Variants in CYYR1 observed in about 807,000 individuals in gnomAD.
The protein encoded by CYYR1 is cysteine and tyrosine rich 1, also known as cysteine and tyrosine-rich protein 1.
CYYR1 carries 14 observed loss-of-function variants against 15.2 expected under a neutral mutation model. That is an observed-to-expected ratio of 0.92 (90% CI 0.61 to 1.44). The LOEUF (loss-of-function observed/expected upper bound fraction) is 1.44, where lower values mean the gene tolerates loss of function less well. CYYR1 is among the 40% of genes most tolerant of loss of function. The probability of loss-of-function intolerance (pLI) is 0.00; values close to 1 mark genes in which losing one functional copy is unlikely to be tolerated. For missense variants in CYYR1, 228 were observed against 209.5 expected (o/e 1.09, Z -0.54); for synonymous variants, 80 against 77.4 (o/e 1.03, Z -0.18).
intron 2 of CYYR1, among the ~76,000 whole-genome samples, chr21:26,555,594 C>T (rs1219022718): frequency 1.3e-5 from 2 of 152,090 alleles, no homozygotes; most frequent in Non-Finnish European, 2.9e-5. Flanking sequence ...TTTCTGTAAC[C>T]ATGAATATTG....
At chr21:26,483,656 C>T (rs1186588582) in intron 2 of CYYR1, among the ~76,000 whole-genome samples, 2 of 152,104 alleles carry the variant, frequency 1.3e-5, no homozygotes, top group Non-Finnish European at 2.9e-5. Context: ...GAAATCCTTA[C>T]GCTTTCATCT....
chr21:26,516,242 T>C (rs1257704082), intron 2 of CYYR1, among the ~76,000 whole-genome samples: 2 of 152,202 alleles, frequency 1.3e-5, no homozygotes, highest in Non-Finnish European at 2.9e-5. Context: ...GTAATTTGCA[T>C]TGTGACAGTT....
intron 2 of CYYR1, among the ~76,000 whole-genome samples, chr21:26,493,299 G>A (rs534735926): frequency 4.6e-5 from 7 of 152,254 alleles, no homozygotes; most frequent in African/African-American, 1.7e-4. Flanking sequence ...ACATGGATAC[G>A]TTTAAGGGTA....
At chr21:26,536,110 G>A (rs545461039) in intron 2 of CYYR1, among the ~76,000 whole-genome samples, 7 of 152,144 alleles carry the variant, frequency 4.6e-5, no homozygotes, top group Non-Finnish European at 1.0e-4. Context: ...GAGAGAGAGT[G>A]ATGGGGGAGT....
chr21:26,512,227 C>G (rs1433029189), intron 2 of CYYR1, among the ~76,000 whole-genome samples: 1 of 151,794 alleles, frequency 6.6e-6, no homozygotes, highest in East Asian at 1.9e-4. Flanking sequence ...GAGACAGAGT[C>G]TCACTCTGTC....
intron 2 of CYYR1, chr21:26,483,534 C>A (rs1188217715): frequency 1.8e-6 from 1 of 556,680 alleles, no homozygotes; most frequent in Non-Finnish European, 2.3e-6. Flanking sequence ...TTCCTTGGGG[C>A]TATTCATTTT....
chr21:26,536,422 GAGGTGATGTCAAATTATAAC>G (rs1438804468), intron 2 of CYYR1, among the ~76,000 whole-genome samples: 1 of 152,158 alleles, frequency 6.6e-6, no homozygotes, highest in African/African-American at 2.4e-5. Context: ...ATACCAAAGG[GAGGTGATGTCAAATTATAAC>G]ATTTCAAAAT....
At chr21:26,489,848 T>C (rs1328971421) in intron 2 of CYYR1, among the ~76,000 whole-genome samples, 1 of 152,168 alleles carries the variant, frequency 6.6e-6, no homozygotes, top group Non-Finnish European at 1.5e-5. Flanking sequence ...AGTAACAACA[T>C]GGAGATGCTA....
chr21:26,523,918 T>C (rs548064418), intron 2 of CYYR1, among the ~76,000 whole-genome samples: 30 of 152,336 alleles, frequency 2.0e-4, no homozygotes, highest in Admixed American at 1.2e-3. Context: ...ACTGGGACTA[T>C]TTCCCCATAA....
chr21:26,531,518 T>C (rs947987221), intron 2 of CYYR1, among the ~76,000 whole-genome samples: 3 of 152,134 alleles, frequency 2.0e-5, no homozygotes, highest in Non-Finnish European at 4.4e-5. Context: ...TGTTTAAAAG[T>C]GCAGCATTTT....
Position 26,480,425 on chromosome 21 carries a change from T to C in CYYR1, c.181A>G (p.Thr61Ala), listed in dbSNP as rs1182580735. ...CCAAAAACAATGCCCGCAATTGCAG[T>C]GCCCCTAAAAGGAAAAACAAGTAAG... The part of the protein sequence containing the change: ...YAYIGNILSG[T>A]AIAGIVFGIV... Residue 61 changes from threonine (T) to alanine (A), a missense_variant, in exon 3 of 4, where the codon ACT becomes GCT. Thr to Ala is a moderately conservative substitution (Grantham distance 58). Transcript: ENST00000652641. 3.7e-6 allele frequency: 6 copies of C among 1,610,364 alleles called. No individual in the cohort carries two copies. The African/African-American group carries it at 8.0e-5, about 22-fold the overall frequency.
At chr21:26,516,981 A>G (rs112976328) in intron 2 of CYYR1, among the ~76,000 whole-genome samples, 14,886 of 148,966 alleles carry the variant, frequency 0.1, 1,128 homozygotes, top group African/African-American at 0.21. Context: ...CGGGCGTGGT[A>G]GCGGGCGCCT....
intron 2 of CYYR1, among the ~76,000 whole-genome samples, chr21:26,561,811 T>C (rs2123717449): frequency 6.6e-6 from 1 of 152,342 alleles, no homozygotes; most frequent in East Asian, 1.9e-4. Context: ...TATTCAGTAT[T>C]GTACAATTAT....
intron 2 of CYYR1, among the ~76,000 whole-genome samples, chr21:26,533,212 T>C (rs2065954387): frequency 6.7e-6 from 1 of 148,836 alleles, no homozygotes; most frequent in Non-Finnish European, 1.5e-5. Flanking sequence ...TACTAATTTA[T>C]ACATATATAT....
intron 1 of CYYR1, among the ~76,000 whole-genome samples, chr21:26,570,691 T>C (rs1980954039): frequency 1.3e-5 from 2 of 152,254 alleles, no homozygotes; most frequent in African/African-American, 4.8e-5. Flanking sequence ...CTACTTAGAT[T>C]TTTGTCCCAC....
At chr21:26,470,013 A>G (rs1221701808) in intron 3 of CYYR1, among the ~76,000 whole-genome samples, 1 of 152,132 alleles carries the variant, frequency 6.6e-6, no homozygotes, top group Non-Finnish European at 1.5e-5. Context: ...CATCATCAGG[A>G]TCCTGATGCT....
At chr21:26,488,244 C>CTTA (rs1569144179) in intron 2 of CYYR1, among the ~76,000 whole-genome samples, 29 of 83,926 alleles carry the variant, frequency 3.5e-4, no homozygotes, top group South Asian at 1.6e-3. Flanking sequence ...TCCCCTACTT[C>CTTA]CTTCCTTCCT....
intron 2 of CYYR1, among the ~76,000 whole-genome samples, chr21:26,481,860 A>T (rs1020297657): frequency 1.3e-5 from 2 of 152,020 alleles, no homozygotes; most frequent in Non-Finnish European, 2.9e-5. Flanking sequence ...TATTAACAGG[A>T]TACTACCAGT....
chr21:26,556,301 T>A (rs1979773077), intron 2 of CYYR1, among the ~76,000 whole-genome samples: 1 of 152,178 alleles, frequency 6.6e-6, no homozygotes, highest in Admixed American at 6.5e-5. Flanking sequence ...TGATCTGTGT[T>A]TAAATAATCT....
Sources: allele counts gnomAD v4.1 joint callset (sites outside exome capture counted in the v4.1 genomes callset), GRCh38; gene constraint gnomAD v4.1.1; transcripts MANE v1.5; gene names NCBI Gene and HGNC (gene_info 2026-07-23, HGNC 2026-07-21).